Variants in FBXL20 observed in about 807,000 individuals in gnomAD.
FBXL20 encodes the protein F-box and leucine rich repeat protein 20, also known as F-box/LRR-repeat protein 20.
In FBXL20, 11 loss-of-function variants were observed where a neutral mutation model predicts 64.0. That is an observed-to-expected ratio of 0.17 (90% CI 0.11 to 0.28). FBXL20 has a LOEUF of 0.28. FBXL20 is among the 10% of genes least tolerant of loss of function. The probability of loss-of-function intolerance (pLI) is 1.00; values close to 1 mark genes in which losing one functional copy is unlikely to be tolerated. For missense variants in FBXL20, 303 were observed against 526.2 expected, an observed-to-expected ratio of 0.58 and a Z score of 4.15; for synonymous variants, 184 against 189.0, an observed-to-expected ratio of 0.97 and a Z score of 0.22.
intron 1 of FBXL20, among the ~76,000 whole-genome samples, chr17:39,344,098 G>A (rs1465746837): frequency 6.6e-6 from 1 of 152,066 alleles, no homozygotes; most frequent in Non-Finnish European, 1.5e-5. Context: ...TCCTGACCTC[G>A]TGATCCACCC....
intron 2 of FBXL20, among the ~76,000 whole-genome samples, chr17:39,325,768 T>G (rs1030296698): frequency 6.6e-6 from 1 of 152,134 alleles, no homozygotes; most frequent in Admixed American, 6.6e-5. Context: ...GTAAAAGAAT[T>G]TAACTTATAT....
intron 2 of FBXL20, among the ~76,000 whole-genome samples, chr17:39,337,902 C>T (rs1279914032): frequency 1.3e-5 from 2 of 151,010 alleles, no homozygotes; most frequent in Non-Finnish European, 3.0e-5. Flanking sequence ...CCACCCTATC[C>T]GGGAGGGAGG....
At chr17:39,350,022 G>C (rs1004215109) in intron 1 of FBXL20, among the ~76,000 whole-genome samples, 1 of 150,764 alleles carries the variant, frequency 6.6e-6, no homozygotes, top group Non-Finnish European at 1.5e-5. Context: ...CAATCTACTA[G>C]AACTATGTCC....
chr17:39,357,275 CAA>C (rs34332873), intron 1 of FBXL20, among the ~76,000 whole-genome samples: 28 of 93,082 alleles, frequency 3.0e-4, no homozygotes, highest in East Asian at 1.0e-3. Context: ...AACTCTGTCT[CAA>C]AAAAAAAAAA....
At chr17:39,402,529 T>G, upstream of FBXL20, 1 of 208,864 alleles carries the variant, frequency 4.8e-6, no homozygotes, top group Admixed American at 6.0e-5. Flanking sequence ...TTGGCCGGGG[T>G]CGGGGCGCGC....
intron 10 of FBXL20, among the ~76,000 whole-genome samples, chr17:39,272,615 T>C (rs958535185): frequency 3.4e-5 from 5 of 145,126 alleles, no homozygotes; most frequent in African/African-American, 7.7e-5. Context: ...GGCACGAAAA[T>C]TGCTTGAACC....
intron 1 of FBXL20, among the ~76,000 whole-genome samples, chr17:39,387,550 AT>A (rs1478745457): frequency 6.8e-6 from 1 of 146,684 alleles, no homozygotes; most frequent in Non-Finnish European, 1.5e-5. Flanking sequence ...AAGTGCTGGG[AT>A]TACAGGCGTG....
chr17:39,351,165 T>G (rs752431664), intron 1 of FBXL20, among the ~76,000 whole-genome samples: 5 of 151,886 alleles, frequency 3.3e-5, no homozygotes, highest in Non-Finnish European at 5.9e-5. Flanking sequence ...TGAAACCCCA[T>G]CTCTACTAAA....
chr17:39,355,777 C>T (rs1292193775), intron 1 of FBXL20, among the ~76,000 whole-genome samples: 6 of 149,124 alleles, frequency 4.0e-5, no homozygotes, highest in African/African-American at 1.5e-4. Flanking sequence ...ATCGATTGAA[C>T]CCAGGAGGCA....
intron 1 of FBXL20, among the ~76,000 whole-genome samples, chr17:39,383,987 A>ATT (rs1196754407): frequency 2.0e-5 from 3 of 151,790 alleles, no homozygotes; most frequent in Non-Finnish European, 4.4e-5. Context: ...TAATCCTAGC[A>ATT]TTTTGGGAGG....
intron 1 of FBXL20, among the ~76,000 whole-genome samples, chr17:39,346,280 G>A (rs2047631755): frequency 6.6e-6 from 1 of 152,038 alleles, no homozygotes; most frequent in Non-Finnish European, 1.5e-5. Context: ...AGTCAAGGAT[G>A]CAGTGGAGCA....
chr17:39,264,198 G>T lies in FBXL20; in HGVS notation c.1180C>A (p.Arg394=). Reference sequence around the variant, plus strand: ...ACCCTGAGTCTCTTGATTCCAGCCCGTGTGATTTGCTGGCAGTCATAGAGT... The same window carrying T: ...ACCCTGAGTCTCTTGATTCCAGCCCTTGTGATTTGCTGGCAGTCATAGAGT... ...IELYDCQQIT[R]AGIKRLRTHL... The change falls in exon 14 of 15, where the codon CGG becomes AGG. Residue 394 remains arginine (R), a synonymous_variant. Transcript: ENST00000264658. The T allele has an allele frequency of 6.2e-7, 1 of 1,614,184 alleles. No homozygotes were observed. Among genetic ancestry groups the T allele is most frequent in the African/African-American group, 1.3e-5 (1 of 75,054 alleles).
chr17:39,394,810 T>C (rs2048167477), intron 1 of FBXL20, among the ~76,000 whole-genome samples: 1 of 151,880 alleles, frequency 6.6e-6, no homozygotes, highest in African/African-American at 2.4e-5. Context: ...CCGCCCGTCT[T>C]GGCCTCCCAA....
Position 39,371,225 on chromosome 17 carries a change from G to T in FBXL20, c.43-27984C>A, listed in dbSNP as rs565233650. 2.0e-5 allele frequency among the ~76,000 whole-genome samples: 3 copies of T among 152,224 alleles called. No homozygotes were observed. The East Asian group carries it at 5.8e-4, about 29-fold the overall frequency. ...ACCTCAAAGAAAAAAGAAGGGTTTT[G>T]TCATGCATGACTTTATGAGGTAATC... On this transcript the variant is annotated intron_variant, in intron 1 of 14. Coordinates refer to ENST00000264658, the MANE Select transcript of FBXL20 (RefSeq NM_032875.3).
intron 1 of FBXL20, among the ~76,000 whole-genome samples, chr17:39,356,177 G>A (rs977679517): frequency 8.3e-5 from 12 of 144,752 alleles, no homozygotes; most frequent in Admixed American, 5.7e-4. Flanking sequence ...ATTGTGCCAC[G>A]GCACTCCAGC....
At position 39,328,993 on chromosome 17, in the gene FBXL20, G is replaced by A. The variant is rs901273485; in HGVS notation, c.104+14187C>T. Reference sequence around the variant, plus strand: ...TGCTTGAGAGCAGGAGTTCAAGGGTGCAGTGTGCTTTCACTGGCAACTGCA... The same window carrying A: ...TGCTTGAGAGCAGGAGTTCAAGGGTACAGTGTGCTTTCACTGGCAACTGCA... On this transcript the variant is annotated intron_variant, in intron 2 of 14. Coordinates refer to ENST00000264658, the MANE Select transcript of FBXL20 (RefSeq NM_032875.3). 5.3e-5 allele frequency among the ~76,000 whole-genome samples: 8 copies of A among 152,128 alleles called. No individual in the cohort carries two copies. In the East Asian group the frequency reaches 7.7e-4, roughly 15 times the overall value.
chr17:39,304,530 T>A (rs1324467096), intron 2 of FBXL20, among the ~76,000 whole-genome samples: 3 of 152,154 alleles, frequency 2.0e-5, no homozygotes, highest in African/African-American at 7.2e-5. Flanking sequence ...GCTCAAGCAA[T>A]CCTCCTGCCT....
intron 4 of FBXL20, 123 bp downstream of exon 4, chr17:39,300,878 C>G: frequency 1.1e-6 from 1 of 885,046 alleles, no homozygotes; most frequent in South Asian, 1.8e-5. Flanking sequence ...CTGTAAAGTT[C>G]AGATGCACTG....
At chr17:39,339,306 G>A (rs2047559591) in intron 2 of FBXL20, among the ~76,000 whole-genome samples, 1 of 151,896 alleles carries the variant, frequency 6.6e-6, no homozygotes, top group Non-Finnish European at 1.5e-5. Context: ...CCATCTCTAT[G>A]AAAATTTAAA....
Sources: allele counts gnomAD v4.1 joint callset (sites outside exome capture counted in the v4.1 genomes callset), GRCh38; gene constraint gnomAD v4.1.1; transcripts MANE v1.5; gene names NCBI Gene and HGNC (gene_info 2026-07-23, HGNC 2026-07-21).